Variants in NLRC4 observed in about 807,000 individuals in gnomAD.
The protein encoded by NLRC4 is NLR family CARD domain-containing protein 4.
NLRC4 carries 63 observed loss-of-function variants against 79.9 expected under a neutral mutation model. The observed-to-expected ratio is 0.79, with a 90% CI of 0.64 to 0.97. The LOEUF is 0.97. Among genes scored for constraint, NLRC4 ranks in the 50% least tolerant of loss-of-function variants. The pLI is 0.00. For missense variants in NLRC4, 1,074 were observed against 1,215.2 expected (o/e 0.88, Z 1.73); for synonymous variants, 461 against 456.5 (o/e 1.01, Z -0.12).
At position 32,236,309 on chromosome 2, in the gene NLRC4, C is replaced by T. The variant is rs1404435960; in HGVS notation, c.2552G>A (p.Ser851Asn). The T allele has an allele frequency of 2.5e-6, 4 of 1,610,884 alleles. No individual in the cohort carries two copies. The highest frequency in any genetic ancestry group is 1.7e-5 in the Admixed American group (1 of 59,560). Residue 851 changes from serine to asparagine, a missense_variant, in exon 7 of 9, where the codon AGC (serine) becomes AAC (asparagine). By Grantham distance (46) the Ser-to-Asn change is conservative. Transcript: ENST00000402280. ...AQNLHNLVKL[S>N]ILDLSENYLE... is the part of the protein sequence containing the mutation. Reference sequence around the variant, plus strand: ...GTAATTTTCTGATAAATCAAGAATGCTCAGTTTGACCAAATTGTGAAGATT... The same window carrying T: ...GTAATTTTCTGATAAATCAAGAATGTTCAGTTTGACCAAATTGTGAAGATT...
chr2:32,251,387 C>G lies in NLRC4; in HGVS notation c.477G>C (p.Gln159His), dbSNP rs768406887. Residue 159 changes from glutamine (Q) to histidine (H), a missense_variant, in exon 4 of 9, where the codon CAG becomes CAC. Gln to His is a conservative substitution (Grantham distance 24). Transcript: ENST00000402280. ...CAATGATGCAGGGGCTCTGAAGAGCCTGCAGGAGGCCATTCAGGGTCAGCT... is the reference window on the plus strand; with the variant it reads ...CAATGATGCAGGGGCTCTGAAGAGCGTGCAGGAGGCCATTCAGGGTCAGCT... ...VEQLTLNGLL[Q>H]ALQSPCIIEG... 1.2e-6 allele frequency: 2 copies of G among 1,614,114 alleles called. No homozygotes were observed. Among genetic ancestry groups the G allele is most frequent in the South Asian group, 2.2e-5 (2 of 91,068 alleles).
At chr2:32,236,177 C>A in intron 7 of NLRC4, 70 bp downstream of exon 7, 1 of 941,488 alleles carries the variant, frequency 1.1e-6, no homozygotes, top group East Asian at 2.5e-5. Flanking sequence ...CCTCAGGACC[C>A]AGGCTATGTA....
chr2:32,251,269 A>G lies in NLRC4; in HGVS notation c.595T>C (p.Phe199Leu). The G allele has an allele frequency of 6.2e-7, 1 of 1,614,178 alleles. No homozygotes were observed. The change falls in exon 4 of 9, where the codon TTC becomes CTC. Residue 199 changes from phenylalanine to leucine, a missense_variant. Physicochemically the swap from Phe to Leu is conservative, Grantham distance 22. Transcript: ENST00000402280. ...CTGCTGAGACGGAGGAAGAAGACGA[A>G]TTTGAACTTGGTCAGAGCCTTGCAC... ...GKCKALTKFK[F>L]VFFLRLSRAQ... is the part of the protein sequence containing the mutation.
At chr2:32,226,981 T>G (rs1364931905) in intron 8 of NLRC4, among the ~76,000 whole-genome samples, 1 of 152,204 alleles carries the variant, frequency 6.6e-6, no homozygotes, top group African/African-American at 2.4e-5. Context: ...ATATGGCCAC[T>G]CATATCCCAA....
At position 32,250,296 on chromosome 2, in the gene NLRC4, A is replaced by G. The variant is rs763959025; in HGVS notation, c.1568T>C (p.Ile523Thr). 2.5e-6 allele frequency: 4 copies of G among 1,614,066 alleles called. No individual in the cohort carries two copies. Among genetic ancestry groups the G allele is most frequent in the South Asian group, 2.2e-5 (2 of 91,088 alleles). ...CTGTCTCCAGAGAGGCCTCTTGGCG[A>G]TGGAAAGTCCGAGAAGGCAGCCGTG... ...YQHGCLLGLS[I>T]AKRPLWRQES... is the part of the protein sequence containing the mutation. The change falls in exon 4 of 9, where the codon ATC becomes ACC. Residue 523 changes from isoleucine (I) to threonine (T), a missense_variant. Transcript: ENST00000402280. This position sits in a 1 kb window ranked among gnomAD's most constrained non-coding sequence, Gnocchi z 4.9.
At chr2:32,258,010 G>A (rs1265862380) in intron 1 of NLRC4, among the ~76,000 whole-genome samples, 1 of 152,150 alleles carries the variant, frequency 6.6e-6, no homozygotes. Context: ...TGTATTCCGG[G>A]GTTCTTGCCT....
In NLRC4 at chr2:32,250,034, G is replaced by A. The variant is rs2148941860; in HGVS notation, c.1830C>T (p.Asp610=). ...EHLPNCASAL[D]FIKLDFYGGA... ...CCCCATAAAAGTCCAGTTTAATGAA[G>A]TCCAGGGCACTTGCACAATTGGGCA... Residue 610 remains aspartate, a synonymous_variant, in exon 4 of 9, where the codon GAC becomes GAT. Coordinates refer to ENST00000402280, the MANE Select transcript of NLRC4 (RefSeq NM_001199138.2). The surrounding 1 kb of genome is among the most constrained non-coding windows in gnomAD (Gnocchi z 4.9). The A allele has an allele frequency of 6.2e-7, 1 of 1,614,182 alleles. No homozygotes were observed.
chr2:32,254,826 C>A (rs1465778056), intron 2 of NLRC4, among the ~76,000 whole-genome samples: 1 of 151,736 alleles, frequency 6.6e-6, no homozygotes, highest in African/African-American at 2.4e-5. Context: ...CTATGTTGGT[C>A]AGGCTGGTCT....
chr2:32,225,177 G>T (rs1255029956), intron 8 of NLRC4, among the ~76,000 whole-genome samples: 1 of 152,062 alleles, frequency 6.6e-6, no homozygotes, highest in Admixed American at 6.6e-5. Flanking sequence ...CCTAACTGTT[G>T]TTTCTATGGG....
At chr2:32,230,510 C>G (rs1475090440) in intron 8 of NLRC4, among the ~76,000 whole-genome samples, 3 of 147,918 alleles carry the variant, frequency 2.0e-5, no homozygotes, top group Non-Finnish European at 3.0e-5. Flanking sequence ...CTCACTCTCC[C>G]ACCCAGGCTG....
rs373739695 is a variant in NLRC4 at position 32,244,544 on chromosome 2, C to CAA, written c.2258-3421_2258-3420dup. Among the ~76,000 whole-genome samples, 18 of 147,248 alleles carry CAA rather than the reference C, an allele frequency of 1.2e-4. No homozygotes were observed. In the South Asian group the frequency reaches 3.1e-3, roughly 25 times the overall value. On this transcript the variant is annotated intron_variant, in intron 4 of 8. Coordinates refer to ENST00000402280, the MANE Select transcript of NLRC4 (RefSeq NM_001199138.2). The stretch of plus-strand genomic sequence containing the variant: ...ACAAGTCCTAGTTAGTGAAATAAGG[C>CAA]AAAAAAAAAAAATAAATAAAAGGAA...
chr2:32,236,412 A>G (rs1200121726), intron 6 of NLRC4, 73 bp from the exon 7 acceptor site: 1 of 816,142 alleles, frequency 1.2e-6, no homozygotes, highest in African/African-American at 5.2e-5. Flanking sequence ...TATCCTTAGA[A>G]TAATTCTGAG....
At position 32,251,216 on chromosome 2, in the gene NLRC4, G is replaced by T. The variant is rs1474523535; in HGVS notation, c.648C>A (p.Leu216=). 8 of 1,614,168 alleles carry T rather than the reference G, an allele frequency of 5.0e-6. No homozygotes were observed. The highest frequency in any genetic ancestry group is 5.9e-6 in the Non-Finnish European group (7 of 1,180,012). ...CAGGTATATCCAGGAGTTGATCACA[G>T]AGGGTTTCAAAAAGTCCACCCTGGG... The part of the protein sequence containing the change: ...SRAQGGLFET[L]CDQLLDIPGT... Residue 216 remains leucine, a synonymous_variant, in exon 4 of 9, where the codon CTC becomes CTA. Transcript: ENST00000402280.
intron 1 of NLRC4, among the ~76,000 whole-genome samples, chr2:32,258,353 G>A (rs1002044716): frequency 5.3e-5 from 8 of 152,180 alleles, no homozygotes; most frequent in Non-Finnish European, 8.8e-5. Flanking sequence ...AGGGTCTCTG[G>A]GATTTTTATA....
In NLRC4 at chr2:32,261,316, C is replaced by CTTTTTTTTTTTTTTTTTTCTTTTTTT. The variant is rs751434892; in HGVS notation, c.-119+3421_-119+3422insAAAAAAAGAAAAAAAAAAAAAAAAAA. Among the ~76,000 whole-genome samples, 2 of 96,884 alleles carry CTTTTTTTTTTTTTTTTTTCTTTTTTT rather than the reference C, an allele frequency of 2.1e-5. 1 individual carries two copies. Among genetic ancestry groups the CTTTTTTTTTTTTTTTTTTCTTTTTTT allele is most frequent in the African/African-American group, 8.3e-5 (2 of 24,178 alleles). The allele number at this position is 96,884 out of a possible 152,430, so 63.6% of individuals were successfully genotyped here. A position where few individuals can be genotyped will look rare whatever the true frequency, so the allele number is the denominator to read the frequency against. ...TTCTTTCGCCTATTAAGCCTCCCCC[C>CTTTTTTTTTTTTTTTTTTCTTTTTTT]TTTTGTTTTTTTTTGAGATGGAGCC... On this transcript the variant is annotated intron_variant, in intron 1 of 8. Coordinates refer to ENST00000402280, the MANE Select transcript of NLRC4 (RefSeq NM_001199138.2).
Position 32,248,874 on chromosome 2 carries a change from T to G in NLRC4, c.2257+733A>C, listed in dbSNP as rs181487433. ...TCTCAAGATAAGCAATATTGATAGT[T>G]GTGAATATTAAACAATTCGCAACTC... On this transcript the variant is annotated intron_variant, in intron 4 of 8. Coordinates refer to ENST00000402280, the MANE Select transcript of NLRC4 (RefSeq NM_001199138.2). 5.0e-3 allele frequency among the ~76,000 whole-genome samples: 767 copies of G among 152,330 alleles called. 2 individuals are homozygous for G. Among genetic ancestry groups the G allele is most frequent in the Non-Finnish European group, 8.7e-3 (591 of 68,028 alleles).
Position 32,264,797 on chromosome 2 carries a change from G to A in NLRC4, c.-178C>T, listed in dbSNP as rs1201254304. ...GACCAAGACATGTTTTTAAAATAAAGTTTCTTTGTATTTGCTTTCCGTTTC... is the reference window on the plus strand; with the variant it reads ...GACCAAGACATGTTTTTAAAATAAAATTTCTTTGTATTTGCTTTCCGTTTC... On this transcript the variant is annotated 5_prime_UTR_variant, in exon 1 of 9. Coordinates refer to ENST00000402280, the MANE Select transcript of NLRC4 (RefSeq NM_001199138.2). The A allele has an allele frequency of 1.3e-5, 2 of 152,068 alleles. No individual in the cohort carries two copies. The highest frequency in any genetic ancestry group is 3.9e-4 in the East Asian group (2 of 5,192). 9.4% of individuals were successfully genotyped at this position (152,068 alleles called of 1,614,324 possible).
intron 3 of NLRC4, among the ~76,000 whole-genome samples, chr2:32,252,073 G>C (rs1687091461): frequency 6.6e-6 from 1 of 152,210 alleles, no homozygotes; most frequent in Non-Finnish European, 1.5e-5. Context: ...TAGGTAGTCA[G>C]CTGGGCCTCT....
chr2:32,229,199 G>A (rs566705428), intron 8 of NLRC4, among the ~76,000 whole-genome samples: 8 of 151,950 alleles, frequency 5.3e-5, no homozygotes, highest in African/African-American at 1.9e-4. Context: ...GGAGGCTGAA[G>A]CAGGCAGATC....
Sources: allele counts gnomAD v4.1 joint callset (sites outside exome capture counted in the v4.1 genomes callset), GRCh38; gene constraint gnomAD v4.1.1; non-coding constraint Gnocchi (gnomAD v3.1); transcripts MANE v1.5; gene names NCBI Gene and HGNC (gene_info 2026-07-23, HGNC 2026-07-21).